The following MDGA2 variants were observed in gnomAD, a reference collection of about 807,000 sequenced individuals.
The protein encoded by MDGA2 is MAM domain containing glycosylphosphatidylinositol anchor 2, also known as MAM domain-containing glycosylphosphatidylinositol anchor protein 2.
In MDGA2, 40 loss-of-function variants were observed where a neutral mutation model predicts 117.8. The observed-to-expected ratio is 0.34, with a 90% CI of 0.26 to 0.44. The LOEUF (loss-of-function observed/expected upper bound fraction) is 0.44, where lower values mean the gene tolerates loss of function less well. Ranked by LOEUF, MDGA2 falls within the 20% of genes least tolerant of loss-of-function variation. MDGA2 has a pLI of 1.00. For missense variants in MDGA2, 1,123 were observed against 1,250.6 expected (o/e 0.90, Z 1.54); for synonymous variants, 452 against 439.0 (o/e 1.03, Z -0.37).
intron 10 of MDGA2, among the ~76,000 whole-genome samples, chr14:46,899,217 T>G (rs1046942596): frequency 6.6e-6 from 1 of 152,028 alleles, no homozygotes; most frequent in African/African-American, 2.4e-5. Context: ...TAGATAAAAT[T>G]TGTAGGCAAA....
intron 10 of MDGA2, among the ~76,000 whole-genome samples, chr14:46,907,078 G>A (rs1883526913): frequency 6.9e-6 from 1 of 144,766 alleles, no homozygotes; most frequent in Admixed American, 7.3e-5. Flanking sequence ...CCAGGTTCAA[G>A]CAATTCTCCT....
At chr14:47,527,251 A>C (rs918384709) in intron 1 of MDGA2, among the ~76,000 whole-genome samples, 1 of 152,238 alleles carries the variant, frequency 6.6e-6, no homozygotes, top group Non-Finnish European at 1.5e-5. Flanking sequence ...ATTCACATTC[A>C]TTGTAAAATA....
Position 46,849,562 on chromosome 14 carries a change from T to A in MDGA2, c.2884-3691A>T, listed in dbSNP as rs369158149. Among the ~76,000 whole-genome samples the A allele has an allele frequency of 3.3e-5, 5 of 151,896 alleles. No homozygotes were observed. The South Asian group carries it at 1.0e-3, about 31-fold the overall frequency. On this transcript the variant is annotated intron_variant, in intron 15 of 16. Coordinates refer to ENST00000399232, the MANE Select transcript of MDGA2 (RefSeq NM_001113498.3). The stretch of plus-strand genomic sequence containing the variant: ...CAAATATAAAGTGTAGATATTAAAT[T>A]TAAGTAATGTGCCTTAGCCAAACTT...
At chr14:46,890,818 G>A (rs578019763) in intron 10 of MDGA2, among the ~76,000 whole-genome samples, 324 of 152,186 alleles carry the variant, frequency 2.1e-3, no homozygotes, top group Non-Finnish European at 3.5e-3. Context: ...TTCTTGCCCT[G>A]CGATCACAGA....
chr14:46,956,858 C>A (rs201212502), intron 9 of MDGA2, among the ~76,000 whole-genome samples: 2 of 152,016 alleles, frequency 1.3e-5, no homozygotes, highest in African/African-American at 4.8e-5. Flanking sequence ...TTGCTGTTCT[C>A]GTGATGGTGA....
chr14:47,191,327 T>G (rs1212767516), intron 3 of MDGA2, among the ~76,000 whole-genome samples: 2 of 148,118 alleles, frequency 1.4e-5, no homozygotes, highest in African/African-American at 4.9e-5. Flanking sequence ...CCAGTATCTT[T>G]TCTTTCATTT....
chr14:47,131,386 T>A (rs935480136), intron 5 of MDGA2, among the ~76,000 whole-genome samples: 2 of 152,034 alleles, frequency 1.3e-5, no homozygotes, highest in African/African-American at 4.8e-5. Flanking sequence ...GCAACTTCAA[T>A]CACGAATTTT....
chr14:47,561,214 G>A (rs1371154640), intron 1 of MDGA2, among the ~76,000 whole-genome samples: 2 of 120,618 alleles, frequency 1.7e-5, no homozygotes, highest in Admixed American at 2.0e-4. Context: ...AACTAATCTG[G>A]CTCTTTTTTG....
intron 1 of MDGA2, among the ~76,000 whole-genome samples, chr14:47,435,068 G>A (rs1892870839): frequency 1.3e-5 from 2 of 152,018 alleles, no homozygotes; most frequent in Admixed American, 6.6e-5. Context: ...CCCAGGAGGT[G>A]GAGGTTGCAG....
At chr14:46,951,916 A>T (rs1485335980) in intron 9 of MDGA2, among the ~76,000 whole-genome samples, 1 of 151,984 alleles carries the variant, frequency 6.6e-6, no homozygotes, top group East Asian at 1.9e-4. Flanking sequence ...ACACAGCACC[A>T]TCAATTTTAT....
At chr14:46,895,342 A>G (rs1020869788) in intron 10 of MDGA2, among the ~76,000 whole-genome samples, 1 of 152,208 alleles carries the variant, frequency 6.6e-6, no homozygotes, top group Non-Finnish European at 1.5e-5. Context: ...CCAGTCTCAG[A>G]TATTTCTTCA....
chr14:47,322,500 A>G (rs1890010067), intron 1 of MDGA2, among the ~76,000 whole-genome samples: 1 of 152,188 alleles, frequency 6.6e-6, no homozygotes, highest in Admixed American at 6.5e-5. Context: ...TTTGAACTCA[A>G]ACAATCTGAC....
intron 1 of MDGA2, among the ~76,000 whole-genome samples, chr14:47,570,406 T>C (rs1052962332): frequency 5.3e-5 from 8 of 152,186 alleles, no homozygotes; most frequent in Non-Finnish European, 1.0e-4. Flanking sequence ...ATGTTCAACT[T>C]AGACAAGTTC....
chr14:46,973,577 T>C (rs1378186387), intron 8 of MDGA2, among the ~76,000 whole-genome samples: 3 of 151,652 alleles, frequency 2.0e-5, no homozygotes, highest in Non-Finnish European at 4.4e-5. Flanking sequence ...TGCTTTGAAA[T>C]AAAAAAAATG....
At chr14:46,998,494 A>C (rs1887382758) in intron 8 of MDGA2, among the ~76,000 whole-genome samples, 1 of 152,110 alleles carries the variant, frequency 6.6e-6, no homozygotes, top group Non-Finnish European at 1.5e-5. Flanking sequence ...TTCTGTATTT[A>C]ATTTTAAAAC....
chr14:47,048,110 G>A (rs1003438356), intron 7 of MDGA2, among the ~76,000 whole-genome samples: 1 of 151,910 alleles, frequency 6.6e-6, no homozygotes, highest in Admixed American at 6.6e-5. Context: ...ATGAAATAAC[G>A]AGTTTTGGAC....
At chr14:47,178,142 A>G (rs1332335428) in intron 3 of MDGA2, among the ~76,000 whole-genome samples, 1 of 152,174 alleles carries the variant, frequency 6.6e-6, no homozygotes, top group Non-Finnish European at 1.5e-5. Flanking sequence ...TTGATAAAAA[A>G]AAAGTTAAAG....
rs1400049523 is a variant in MDGA2, at chr14:47,119,182, C to G, written c.925+12532G>C. Among the ~76,000 whole-genome samples, 156 of 70,792 alleles carry G rather than the reference C, an allele frequency of 2.2e-3. 28 individuals carry two copies. Among genetic ancestry groups the G allele is most frequent in the Middle Eastern group, 9.3e-3 (2 of 216 alleles). The allele number at this position is 70,792 out of a possible 152,430, so 46.4% of individuals were successfully genotyped here. On this transcript the variant is annotated intron_variant, in intron 5 of 16. Transcript: ENST00000399232. Reference sequence around the variant, plus strand: ...TCTCCTGCCTCAGCCCCGCCCCCCCCCCCCCACCCCGTAGCTGGGACTACA... The same window carrying G: ...TCTCCTGCCTCAGCCCCGCCCCCCCGCCCCCACCCCGTAGCTGGGACTACA...
At chr14:46,902,423 CT>C (rs887571600) in intron 10 of MDGA2, among the ~76,000 whole-genome samples, 3 of 151,908 alleles carry the variant, frequency 2.0e-5, no homozygotes, top group Admixed American at 6.6e-5. Flanking sequence ...ACAGTAGGTA[CT>C]TTTTTTTCTT....
Sources: gnomAD v4.1 joint callset for allele counts (sites outside exome capture counted in the v4.1 genomes callset) on GRCh38, gnomAD v4.1.1 for gene constraint, MANE v1.5 for transcripts, NCBI Gene and HGNC (gene_info 2026-07-23, HGNC 2026-07-21) for gene names.